Variants in NEK2 observed in about 807,000 individuals in gnomAD.
NEK2 encodes serine/threonine-protein kinase Nek2.
In NEK2, 28 loss-of-function variants were observed where a neutral mutation model predicts 54.1. That is an observed-to-expected ratio of 0.52 (90% CI 0.38 to 0.71). NEK2 has a LOEUF of 0.71. NEK2 is among the 30% of genes least tolerant of loss of function. The pLI, the probability that NEK2 is intolerant of heterozygous loss-of-function variation, is 0.00. For missense variants in NEK2, 407 were observed against 531.5 expected (o/e 0.77, Z 2.30); for synonymous variants, 176 against 193.1 (o/e 0.91, Z 0.73).
At chr1:211,659,234 A>G (rs1654958114), downstream of NEK2, among the ~76,000 whole-genome samples, 1 of 152,236 alleles carries the variant, frequency 6.6e-6, no homozygotes, top group Admixed American at 6.5e-5. Context: ...AGAAAAAAAA[A>G]AGATAATTTG....
At chr1:211,673,007 G>A (rs772836891) in intron 3 of NEK2, among the ~76,000 whole-genome samples, 1 of 151,558 alleles carries the variant, frequency 6.6e-6, no homozygotes, top group African/African-American at 2.4e-5. Context: ...GACTTTATTG[G>A]TCTGGTGGTC....
downstream of NEK2, chr1:211,660,799 T>C (rs377058717): frequency 2.1e-3 from 1,489 of 700,148 alleles, 29 homozygotes; most frequent in South Asian, 0.019. Context: ...GTTCAGGTAA[T>C]AGGGCTGCTC....
downstream of NEK2, chr1:211,661,183 T>C (rs1443333209): frequency 1.4e-6 from 1 of 735,614 alleles, no homozygotes; most frequent in African/African-American, 1.7e-5. Flanking sequence ...ACCCTAACAA[T>C]CCGGGAGAAG....
chr1:211,672,512 A>C (rs1458759716), intron 3 of NEK2, among the ~76,000 whole-genome samples: 1 of 152,192 alleles, frequency 6.6e-6, no homozygotes, highest in African/African-American at 2.4e-5. Flanking sequence ...TTGTAAAAAC[A>C]TGCTATCTGA....
At chr1:211,661,223 A>G (rs1655010805), downstream of NEK2, 1 of 710,536 alleles carries the variant, frequency 1.4e-6, no homozygotes, top group South Asian at 1.4e-5. Context: ...TTTCTTGGGC[A>G]TAAGCATCTG....
intron 1 of NEK2, among the ~76,000 whole-genome samples, chr1:211,674,890 C>T (rs1655528983): frequency 6.6e-6 from 1 of 152,174 alleles, no homozygotes; most frequent in Non-Finnish European, 1.5e-5. Context: ...GGTAAAGATC[C>T]CTCCATCAGC....
intron 3 of NEK2, among the ~76,000 whole-genome samples, chr1:211,671,537 G>A (rs981451168): frequency 6.6e-6 from 1 of 152,196 alleles, no homozygotes; most frequent in Admixed American, 6.5e-5. Context: ...TGACAATACA[G>A]AGGTGAATAT....
downstream of NEK2, chr1:211,661,381 G>T: frequency 3.1e-6 from 1 of 324,210 alleles, no homozygotes; most frequent in Non-Finnish European, 5.8e-6. Context: ...TGGGCTGAAT[G>T]GAAAAAAAAC....
chr1:211,660,000 A>G (rs1325519893), downstream of NEK2, among the ~76,000 whole-genome samples: 2 of 152,082 alleles, frequency 1.3e-5, no homozygotes, highest in Non-Finnish European at 1.5e-5. Context: ...TAAAAAAATT[A>G]TTTCTAGAGA....
At chr1:211,658,822 C>A (rs1407086217), downstream of NEK2, 3 of 266,994 alleles carry the variant, frequency 1.1e-5, no homozygotes, top group Non-Finnish European at 2.2e-5. Flanking sequence ...AATGTGTGCA[C>A]CCAGTTTTAT....
In NEK2 at chr1:211,663,277, A is replaced by T; in HGVS notation, c.*149T>A. The T allele has an allele frequency of 7.1e-7, 1 of 1,414,066 alleles. No individual in the cohort carries two copies. The highest frequency in any genetic ancestry group is 2.5e-5 in the East Asian group (1 of 39,548). The allele number at this position is 1,414,066 out of a possible 1,614,324, so 87.6% of individuals were successfully genotyped here. On this transcript the variant is annotated 3_prime_UTR_variant, in exon 8 of 8. Transcript: ENST00000366999. Reference sequence around the variant, plus strand: ...CATTTTGTACAATAGTTGCTGAAGAACAGTAAAACCAATTCCGAAATATCA... The same window carrying T: ...CATTTTGTACAATAGTTGCTGAAGATCAGTAAAACCAATTCCGAAATATCA...
chr1:211,659,108 T>C (rs1004192317), downstream of NEK2, among the ~76,000 whole-genome samples: 7 of 151,856 alleles, frequency 4.6e-5, no homozygotes, highest in Admixed American at 1.3e-4. Context: ...ACTTTCTAAG[T>C]CTCTACACAA....
chr1:211,672,252 G>A (rs1571646852), intron 3 of NEK2, among the ~76,000 whole-genome samples: 1 of 152,090 alleles, frequency 6.6e-6, no homozygotes, highest in Admixed American at 6.6e-5. Flanking sequence ...CTTTTTAAAA[G>A]CCATCAGACA....
At chr1:211,665,328 C>T (rs1431008232) in intron 7 of NEK2, among the ~76,000 whole-genome samples, 1 of 152,172 alleles carries the variant, frequency 6.6e-6, no homozygotes, top group Non-Finnish European at 1.5e-5. Flanking sequence ...CCAGTGGATA[C>T]TTGATTCCTA....
At chr1:211,673,020 T>C (rs1571647479) in intron 3 of NEK2, among the ~76,000 whole-genome samples, 1 of 151,548 alleles carries the variant, frequency 6.6e-6, no homozygotes, top group African/African-American at 2.4e-5. Context: ...TGGTGGTCCA[T>C]GTGGAAAAAT....
chr1:211,663,439 A>T lies in NEK2; in HGVS notation c.1325T>A (p.Leu442Gln). ...CTCTCTACCTGGCTAGCGCATGCCC[A>T]GGATCTGTCTGCTTTTCAGTTGGTA... ...KNYQLKSRQI[L>Q]GMR Residue 442 changes from leucine to glutamine, a missense_variant, in exon 8 of 8, where the codon CTG becomes CAG. Coordinates refer to ENST00000366999, the MANE Select transcript of NEK2 (RefSeq NM_002497.4). 6.2e-7 allele frequency: 1 copy of T among 1,612,656 alleles called. No individual in the cohort carries two copies. The highest frequency in any genetic ancestry group is 8.5e-7 in the Non-Finnish European group (1 of 1,179,162).
At chr1:211,660,656 T>C, downstream of NEK2, 1 of 657,638 alleles carries the variant, frequency 1.5e-6, no homozygotes, top group Non-Finnish European at 2.9e-6. Flanking sequence ...TAGAAAACTG[T>C]CTTGTACTTG....
chr1:211,666,937 T>C (rs1293658784), intron 7 of NEK2, 169 bp downstream of exon 7: 1 of 1,422,814 alleles, frequency 7.0e-7, no homozygotes, highest in Non-Finnish European at 9.2e-7. Flanking sequence ...AATAAATCAT[T>C]GCTATAACAG....
chr1:211,668,339 G>A (rs1353588302), intron 6 of NEK2, among the ~76,000 whole-genome samples: 1 of 152,140 alleles, frequency 6.6e-6, no homozygotes, highest in Non-Finnish European at 1.5e-5. Context: ...CTAAATGCTT[G>A]CGAGTAGCTC....
Sources: gnomAD v4.1 joint callset for allele counts (sites outside exome capture counted in the v4.1 genomes callset) on GRCh38, gnomAD v4.1.1 for gene constraint, MANE v1.5 for transcripts, NCBI Gene and HGNC (gene_info 2026-07-23, HGNC 2026-07-21) for gene names.